The following SLC25A42 variants were observed in gnomAD, a reference collection of about 807,000 sequenced individuals.
SLC25A42 encodes mitochondrial coenzyme A transporter SLC25A42.
SLC25A42 carries 19 observed loss-of-function variants against 34.7 expected under a neutral mutation model. The observed-to-expected ratio is 0.55, with a 90% CI of 0.38 to 0.80. The LOEUF is 0.80. Among genes scored for constraint, SLC25A42 ranks in the 30% least tolerant of loss-of-function variants. The pLI is 0.00. For synonymous variants in SLC25A42, 205 were observed against 191.2 expected (o/e 1.07, Z -0.59); for missense variants, 364 against 441.3 (o/e 0.82, Z 1.57).
intron 1 of SLC25A42, among the ~76,000 whole-genome samples, chr19:19,082,951 T>C (rs907534765): frequency 2.0e-5 from 3 of 151,948 alleles, no homozygotes; most frequent in Non-Finnish European, 2.9e-5. Context: ...CCTGAGTAGC[T>C]GGGACTACAG....
intron 5 of SLC25A42, 30 bp downstream of exon 5, chr19:19,105,757 T>A: frequency 6.8e-7 from 1 of 1,474,104 alleles, no homozygotes; most frequent in Non-Finnish European, 9.0e-7. Flanking sequence ...TGCCACAGAA[T>A]CGCCCCGCCC....
At position 19,086,148 on chromosome 19, in the gene SLC25A42, T is replaced by C. The variant is rs943972306; in HGVS notation, c.-34-9943T>C. Among the ~76,000 whole-genome samples the C allele has an allele frequency of 4.6e-5, 7 of 152,220 alleles. 1 individual carries two copies. Among genetic ancestry groups the C allele is most frequent in the South Asian group, 4.1e-4 (2 of 4,826 alleles). On this transcript the variant is annotated intron_variant, in intron 1 of 7. Coordinates refer to ENST00000318596, the MANE Select transcript of SLC25A42 (RefSeq NM_178526.5). ...GGTTTTCTCCAGGCTTTCTTTGTTT[T>C]AGCACTTTATGAGAGAGAGTCTCGC... is the stretch of plus-strand genomic sequence containing the variant.
At chr19:19,098,082 A>C (rs1036233523) in intron 2 of SLC25A42, among the ~76,000 whole-genome samples, 7 of 151,976 alleles carry the variant, frequency 4.6e-5, no homozygotes, top group African/African-American at 1.7e-4. Flanking sequence ...CTTTCGTAGG[A>C]TCTCCCCACG....
intron 7 of SLC25A42, among the ~76,000 whole-genome samples, chr19:19,108,380 G>A (rs561528756): frequency 1.3e-5 from 2 of 152,148 alleles, no homozygotes; most frequent in African/African-American, 4.8e-5. Context: ...GCGAAACCCC[G>A]TCTCTACCAA....
intron 2 of SLC25A42, among the ~76,000 whole-genome samples, chr19:19,100,724 G>A (rs1458568058): frequency 6.6e-6 from 1 of 152,160 alleles, no homozygotes; most frequent in African/African-American, 2.4e-5. Context: ...CTGGCTCTCT[G>A]TGTGGACCAG....
chr19:19,111,163 C>T lies in SLC25A42; in HGVS notation c.*287C>T. ...TGCCGGAGGTGTTGCCCAAAAGGCC[C>T]TAGTGGGGCGTGGTCAGCTCCACCT... On this transcript the variant is annotated 3_prime_UTR_variant, in exon 8 of 8. Transcript: ENST00000318596. The T allele has an allele frequency of 2.0e-6, 1 of 489,548 alleles. No individual in the cohort carries two copies. The highest frequency in any genetic ancestry group is 3.7e-6 in the Non-Finnish European group (1 of 271,654). 30.3% of individuals were successfully genotyped at this position (489,548 alleles called of 1,614,324 possible). A position where few individuals can be genotyped will look rare whatever the true frequency, so the allele number is the denominator to read the frequency against.
rs1199110729 is a variant in SLC25A42 at position 19,081,116 on chromosome 19, A to G, written c.-34-14975A>G. Among the ~76,000 whole-genome samples, 2 of 151,932 alleles carry G rather than the reference A, an allele frequency of 1.3e-5. No homozygotes were observed. Among genetic ancestry groups the G allele is most frequent in the African/African-American group, 4.8e-5 (2 of 41,350 alleles). On this transcript the variant is annotated intron_variant, in intron 1 of 7. Coordinates refer to ENST00000318596, the MANE Select transcript of SLC25A42 (RefSeq NM_178526.5). The surrounding 1 kb of genome is among the most constrained non-coding windows in gnomAD (Gnocchi z 4.5). ...GGGTGACAGAGTGAGACCCTGAAAA[A>G]ATAAAAAAAAGAAGAAAGAAAGAAT...
chr19:19,088,455 G>A (rs1429123430), intron 1 of SLC25A42, among the ~76,000 whole-genome samples: 2 of 151,356 alleles, frequency 1.3e-5, no homozygotes, highest in South Asian at 2.1e-4. Context: ...ATCTGCCTGC[G>A]TCGGCCTCCC....
intron 1 of SLC25A42, among the ~76,000 whole-genome samples, chr19:19,066,285 C>T (rs1201359439): frequency 1.3e-5 from 2 of 152,166 alleles, no homozygotes; most frequent in Non-Finnish European, 2.9e-5. Flanking sequence ...CTTATGTTTT[C>T]TTCCAGAGGT....
At position 19,066,131 on chromosome 19, in the gene SLC25A42, A is replaced by G. The variant is rs149454868; in HGVS notation, c.-35+2016A>G. 1.3e-3 allele frequency among the ~76,000 whole-genome samples: 192 copies of G among 152,370 alleles called. 1 individual carries two copies. Among genetic ancestry groups the G allele is most frequent in the Middle Eastern group, 6.8e-3 (2 of 294 alleles). On this transcript the variant is annotated intron_variant, in intron 1 of 7. Transcript: ENST00000318596. ...CTCAGCCTCCCAAGATGCTGGGATT[A>G]CAGGCGTGAGCCACCACACCCGGCC...
At chr19:19,074,762 T>C (rs1181036327) in intron 1 of SLC25A42, among the ~76,000 whole-genome samples, 3 of 151,818 alleles carry the variant, frequency 2.0e-5, no homozygotes, top group African/African-American at 7.3e-5. Context: ...CGAGTGTGAG[T>C]GTGTGTGTAT....
At chr19:19,065,473 C>T (rs925805147) in intron 1 of SLC25A42, among the ~76,000 whole-genome samples, 1 of 152,174 alleles carries the variant, frequency 6.6e-6, no homozygotes, top group Admixed American at 6.5e-5. Context: ...GTCTGATTTG[C>T]AAGCATGCAG....
chr19:19,104,299 ATGCATGCATGT>A (rs1287197937), intron 3 of SLC25A42, among the ~76,000 whole-genome samples: 1 of 151,668 alleles, frequency 6.6e-6, no homozygotes, highest in Non-Finnish European at 1.5e-5. Context: ...GGCAGCAGGC[ATGCATGCATGT>A]TGCACACACA....
At chr19:19,100,656 C>T (rs999405242) in intron 2 of SLC25A42, among the ~76,000 whole-genome samples, 5 of 152,198 alleles carry the variant, frequency 3.3e-5, no homozygotes, top group Non-Finnish European at 5.9e-5. Flanking sequence ...GCCACCTCCT[C>T]GCGGCACCTT....
Position 19,106,317 on chromosome 19 carries a change from G to T in SLC25A42, c.429G>T (p.Thr143=). The T allele has an allele frequency of 1.2e-6, 2 of 1,613,420 alleles. No individual in the cohort carries two copies. Among genetic ancestry groups the T allele is most frequent in the African/African-American group, 1.3e-5 (1 of 75,056 alleles). Residue 143 remains threonine (T), a synonymous_variant, in exon 6 of 8, where the codon ACG becomes ACT. Transcript: ENST00000318596. ...TCTTCGCCGGCGCACTGGCTGGAACGACAGCCGCTTCACTGACCTACCCCC... is the reference window on the plus strand; with the variant it reads ...TCTTCGCCGGCGCACTGGCTGGAACTACAGCCGCTTCACTGACCTACCCCC... ...PRLFAGALAG[T]TAASLTYPLD...
chr19:19,065,047 C>A (rs2059594174), intron 1 of SLC25A42, among the ~76,000 whole-genome samples: 2 of 152,204 alleles, frequency 1.3e-5, no homozygotes, highest in African/African-American at 4.8e-5. Context: ...TGACCCTCTG[C>A]TGTGGACCCA....
rs2059682150 is a variant in SLC25A42, at chr19:19,081,605, G to A, written c.-34-14486G>A. 6.6e-6 allele frequency among the ~76,000 whole-genome samples: 1 copy of A among 152,094 alleles called. No individual in the cohort carries two copies. The highest frequency in any genetic ancestry group is 2.1e-4 in the South Asian group (1 of 4,826). ...ACTGAGGGTGGGGGTCATGGGAACT[G>A]GGGCTTCCTCCCCGAACCCATCCAA... On this transcript the variant is annotated intron_variant, in intron 1 of 7. Transcript: ENST00000318596. The surrounding 1 kb of genome is among the most constrained non-coding windows in gnomAD (Gnocchi z 4.5).
chr19:19,081,108 C>T lies in SLC25A42; in HGVS notation c.-34-14983C>T, dbSNP rs1318857686. On this transcript the variant is annotated intron_variant, in intron 1 of 7. Transcript: ENST00000318596. The surrounding 1 kb of genome is among the most constrained non-coding windows in gnomAD (Gnocchi z 4.5). The stretch of plus-strand genomic sequence containing the variant: ...TCCTACCTGGGTGACAGAGTGAGAC[C>T]CTGAAAAAATAAAAAAAAGAAGAAA... 6.7e-6 allele frequency among the ~76,000 whole-genome samples: 1 copy of T among 150,156 alleles called. No individual in the cohort carries two copies. The highest frequency in any genetic ancestry group is 1.5e-5 in the Non-Finnish European group (1 of 67,602).
At chr19:19,107,329 A>AAAC (rs397802036) in intron 6 of SLC25A42, among the ~76,000 whole-genome samples, 51 of 150,542 alleles carry the variant, frequency 3.4e-4, no homozygotes, top group African/African-American at 1.1e-3. Flanking sequence ...AAAAAAAAAA[A>AAAC]CAAAAAAAGT....
Sources: gnomAD v4.1 joint callset for allele counts (sites outside exome capture counted in the v4.1 genomes callset) on GRCh38, gnomAD v4.1.1 for gene constraint, Gnocchi (gnomAD v3.1) non-coding constraint, MANE v1.5 for transcripts, NCBI Gene and HGNC (gene_info 2026-07-23, HGNC 2026-07-21) for gene names.